TCF7: variants seen among roughly 807,000 people sequenced by gnomAD.
TCF7 encodes the protein T-cell-factor-7.
TCF7 carries 19 observed loss-of-function variants against 46.8 expected under a neutral mutation model. That is an observed-to-expected ratio of 0.41 (90% CI 0.28 to 0.60). The LOEUF is 0.60. Among genes scored for constraint, TCF7 ranks in the 20% least tolerant of loss-of-function variants. The pLI is 0.35. For missense variants in TCF7, 547 were observed against 504.6 expected (o/e 1.08, Z -0.81); for synonymous variants, 245 against 213.4 (o/e 1.15, Z -1.29).
intron 2 of TCF7, 51 bp downstream of exon 2, chr5:134,115,438 T>C: frequency 1.3e-6 from 2 of 1,553,798 alleles, no homozygotes; most frequent in Non-Finnish European, 1.7e-6. Flanking sequence ...GGCCCTGGCC[T>C]CGGTGGGACG....
intron 3 of TCF7, among the ~76,000 whole-genome samples, chr5:134,135,634 G>A (rs748541726): frequency 7.2e-5 from 11 of 152,190 alleles, no homozygotes; most frequent in African/African-American, 1.7e-4. Flanking sequence ...AGGGAGGAGC[G>A]TTTGGGGCAG....
At chr5:134,124,106 C>G (rs1757001520) in intron 3 of TCF7, among the ~76,000 whole-genome samples, 1 of 152,136 alleles carries the variant, frequency 6.6e-6, no homozygotes, top group South Asian at 2.1e-4. Flanking sequence ...ATTGGTGACT[C>G]AGCCAGGGTG....
At chr5:134,115,876 C>G in intron 2 of TCF7, 33 bp from the exon 3 acceptor site, 2 of 1,613,490 alleles carry the variant, frequency 1.2e-6, no homozygotes, top group East Asian at 2.2e-5. Flanking sequence ...GCTGCCAGGG[C>G]TGGTGTGTCT....
rs1757613093 is a variant in TCF7, at chr5:134,128,222, T to G, written c.442-9837T>G. On this transcript the variant is annotated intron_variant, in intron 3 of 9. Transcript: ENST00000342854. ...GTTTGGTATTTCACTCTCTGCCCTG[T>G]TTGCGTCATGCTACACCCAGGTGTG... 1.3e-5 allele frequency among the ~76,000 whole-genome samples: 2 copies of G among 152,180 alleles called. 1 individual carries two copies. Among genetic ancestry groups the G allele is most frequent in the South Asian group, 4.1e-4 (2 of 4,826 alleles).
At chr5:134,113,903 G>T (rs1464727171), upstream of TCF7, among the ~76,000 whole-genome samples, 1 of 152,184 alleles carries the variant, frequency 6.6e-6, no homozygotes, top group East Asian at 1.9e-4. Context: ...GGAATCCCGC[G>T]CCCACGTGGC....
chr5:134,118,272 T>C (rs188845276), intron 3 of TCF7, among the ~76,000 whole-genome samples: 1 of 152,320 alleles, frequency 6.6e-6, no homozygotes, highest in Admixed American at 6.5e-5. Flanking sequence ...TTTCCAAAGC[T>C]GGTCACTTTC....
At chr5:134,111,450 C>G (rs1399928972), upstream of TCF7, among the ~76,000 whole-genome samples, 1 of 152,152 alleles carries the variant, frequency 6.6e-6, no homozygotes, top group East Asian at 1.9e-4. Flanking sequence ...ATTGCACTCA[C>G]TACCCTGTGG....
chr5:134,138,507 C>G, intron 4 of TCF7: 1 of 301,032 alleles, frequency 3.3e-6, no homozygotes, highest in Non-Finnish European at 6.2e-6. Flanking sequence ...GCTGATTCAC[C>G]TCAGCCTCAG....
intron 5 of TCF7, chr5:134,141,552 C>G (rs1156256419): frequency 1.3e-5 from 2 of 152,362 alleles, no homozygotes; most frequent in African/African-American, 2.4e-5. Flanking sequence ...CCTCACCAGG[C>G]CTGATGGGTC....
intron 3 of TCF7, among the ~76,000 whole-genome samples, chr5:134,124,630 G>C (rs1413675298): frequency 6.6e-6 from 1 of 152,162 alleles, no homozygotes; most frequent in Non-Finnish European, 1.5e-5. Flanking sequence ...AGAGATCAGA[G>C]GAGCAGACAC....
intron 3 of TCF7, among the ~76,000 whole-genome samples, chr5:134,124,238 G>A (rs899095948): frequency 2.0e-5 from 3 of 152,222 alleles, no homozygotes; most frequent in Non-Finnish European, 4.4e-5. Context: ...GGTTCAGGCA[G>A]TTTGCTGTCC....
Position 134,122,211 on chromosome 5 carries a change from C to T in TCF7, c.441+6178C>T, listed in dbSNP as rs531809405. Reference sequence around the variant, plus strand: ...CTGGTTAGAGCCAGGCTTCCTGCCCCACCCTGTCCTGGGGTCAGGGAGGGA... The same window carrying T: ...CTGGTTAGAGCCAGGCTTCCTGCCCTACCCTGTCCTGGGGTCAGGGAGGGA... On this transcript the variant is annotated intron_variant, in intron 3 of 9. Coordinates refer to ENST00000342854, the MANE Select transcript of TCF7 (RefSeq NM_003202.5). 5.3e-3 allele frequency among the ~76,000 whole-genome samples: 802 copies of T among 152,258 alleles called. 5 individuals are homozygous for T. Among genetic ancestry groups the T allele is most frequent in the Middle Eastern group, 0.024 (7 of 294 alleles).
rs372762533 is a variant in TCF7, at chr5:134,115,385, A to G, written c.314A>G (p.Asp105Gly). The G allele has an allele frequency of 5.6e-6, 9 of 1,599,950 alleles. No individual in the cohort carries two copies. In the African/African-American group the frequency reaches 1.2e-4, roughly 22 times the overall value. ...FPDKLPEPLE[D>G]GLKAPECTSG... Reference sequence around the variant, plus strand: ...GACAAACTTCCAGAGCCCCTGGAGGACGGTGAGTTTCTGCCCGGCCCGGCT... The same window carrying G: ...GACAAACTTCCAGAGCCCCTGGAGGGCGGTGAGTTTCTGCCCGGCCCGGCT... Residue 105 changes from aspartate to glycine, a missense_variant and splice_region_variant, in exon 2 of 10, where the codon GAC becomes GGC. Around this residue, in one of 3 missense-constraint regions of TCF7, gnomAD observed 425 missense variants for 349.9 expected, o/e 1.21. Coordinates refer to ENST00000342854, the MANE Select transcript of TCF7 (RefSeq NM_003202.5).
chr5:134,116,360 T>C (rs1755842871), intron 3 of TCF7, among the ~76,000 whole-genome samples: 1 of 152,246 alleles, frequency 6.6e-6, no homozygotes, highest in Admixed American at 6.5e-5. Flanking sequence ...CCACCCTTGC[T>C]CCTCGCTGCT....
At chr5:134,139,249 T>G in intron 5 of TCF7, 1 of 683,666 alleles carries the variant, frequency 1.5e-6, no homozygotes. Flanking sequence ...GAGCCTGACA[T>G]ACTCCCTTTG....
intron 2 of TCF7, 85 bp downstream of exon 2, chr5:134,115,472 C>T (rs1011831271): frequency 6.6e-7 from 1 of 1,516,278 alleles, no homozygotes; most frequent in South Asian, 1.2e-5. Flanking sequence ...CCGCGGGGAG[C>T]CGGGTGCCTC....
intron 9 of TCF7, 152 bp from the exon 10 acceptor site, chr5:134,146,072 A>AT (rs1282900769): frequency 3.4e-5 from 54 of 1,580,352 alleles, no homozygotes; most frequent in Admixed American, 5.6e-5. Flanking sequence ...ACCAAGCAGA[A>AT]TGGCAGTCTG....
chr5:134,119,050 G>A (rs908759444), intron 3 of TCF7, among the ~76,000 whole-genome samples: 1 of 152,206 alleles, frequency 6.6e-6, no homozygotes, highest in Admixed American at 6.5e-5. Context: ...TGGAGGTGGT[G>A]AGTGGGGAGA....
chr5:134,112,378 C>G (rs1323363731), upstream of TCF7, among the ~76,000 whole-genome samples: 1 of 152,222 alleles, frequency 6.6e-6, no homozygotes, highest in Non-Finnish European at 1.5e-5. Flanking sequence ...CAAGCCAGGG[C>G]TAGGTACACA....
Sources: gnomAD v4.1 joint callset for allele counts (sites outside exome capture counted in the v4.1 genomes callset) on GRCh38, gnomAD v4.1.1 for gene constraint, gnomAD v4.1.1 regional missense constraint, MANE v1.5 for transcripts, NCBI Gene and HGNC (gene_info 2026-07-23, HGNC 2026-07-21) for gene names.